The following MAN1A1 variants were observed in gnomAD, a reference collection of about 807,000 sequenced individuals.
MAN1A1 encodes the protein mannosidase alpha class 1A member 1, also known as mannosyl-oligosaccharide 1,2-alpha-mannosidase IA.
MAN1A1 carries 29 observed loss-of-function variants against 70.8 expected under a neutral mutation model. The observed-to-expected ratio is 0.41, with a 90% confidence interval of 0.31 to 0.56. The LOEUF (loss-of-function observed/expected upper bound fraction) is 0.56. Ranked by LOEUF, MAN1A1 falls within the 20% of genes least tolerant of loss-of-function variation. The pLI is 0.29. For synonymous variants in MAN1A1, 349 were observed against 330.1 expected (o/e 1.06, Z -0.62); for missense variants, 747 against 841.3 (o/e 0.89, Z 1.39).
At chr6:119,251,550 G>C (rs1428508029) in intron 5 of MAN1A1, among the ~76,000 whole-genome samples, 3 of 152,158 alleles carry the variant, frequency 2.0e-5, no homozygotes, top group Non-Finnish European at 4.4e-5. Context: ...TGCCTTCTGT[G>C]AACTCCCACA....
chr6:119,340,526 T>C (rs1332443598), intron 2 of MAN1A1, among the ~76,000 whole-genome samples: 1 of 152,196 alleles, frequency 6.6e-6, no homozygotes, highest in East Asian at 1.9e-4. Context: ...TATGGATGGC[T>C]TGAGTTCACG....
chr6:119,276,411 C>T (rs1171235161), intron 5 of MAN1A1, among the ~76,000 whole-genome samples: 1 of 152,178 alleles, frequency 6.6e-6, no homozygotes, highest in African/African-American at 2.4e-5. Context: ...TGGAACATAA[C>T]AGATGCTTAA....
rs769605241 is a variant in MAN1A1 at position 119,348,519 on chromosome 6, C to T, written c.547G>A (p.Glu183Lys). The T allele has an allele frequency of 1.2e-6, 2 of 1,612,244 alleles. No individual in the cohort carries two copies. Among genetic ancestry groups the T allele is most frequent in the South Asian group, 2.2e-5 (2 of 90,788 alleles). The change falls in exon 2 of 13, where the codon GAG (glutamate) becomes AAG (lysine). Residue 183 changes from glutamate (E) to lysine (K), a missense_variant. Physicochemically the swap from Glu to Lys is moderately conservative, Grantham distance 56. This residue lies in a region of MAN1A1 where 328 missense variants were observed against 293.1 expected (regional missense o/e 1.12). Transcript: ENST00000368468. ...GCGGCGTCGGCGGGCTCCCGGCTCT[C>T]CACCCCGATTGGGGGCACGAAGTCC... Reference protein sequence around the residue: ...PVDFVPPIGVESREPADAAIR... With the variant: ...PVDFVPPIGVKSREPADAAIR...
intron 5 of MAN1A1, among the ~76,000 whole-genome samples, chr6:119,261,958 GA>G (rs1395919882): frequency 6.6e-6 from 1 of 152,174 alleles, no homozygotes; most frequent in African/African-American, 2.4e-5. Context: ...GCTCTAAGTG[GA>G]AAAAACATAG....
intron 2 of MAN1A1, among the ~76,000 whole-genome samples, chr6:119,316,037 C>A (rs980668874): frequency 1.3e-5 from 2 of 152,144 alleles, no homozygotes; most frequent in Non-Finnish European, 2.9e-5. Flanking sequence ...AGCAAGTGAC[C>A]CCTTGCAGGC....
At chr6:119,242,118 A>AACAG (rs768877020) in intron 6 of MAN1A1, among the ~76,000 whole-genome samples, 4 of 73,594 alleles carry the variant, frequency 5.4e-5, no homozygotes, top group African/African-American at 1.8e-4. Context: ...GGCTATTTAT[A>AACAG]ACAGACAGAC....
chr6:119,249,739 C>T (rs1179081131), intron 5 of MAN1A1, among the ~76,000 whole-genome samples: 1 of 152,086 alleles, frequency 6.6e-6, no homozygotes, highest in African/African-American at 2.4e-5. Flanking sequence ...CTTGGGCTCC[C>T]AGACTGAAGG....
In MAN1A1 at chr6:119,179,813, G is replaced by A; in HGVS notation, c.*6C>T. 5.0e-6 allele frequency: 8 copies of A among 1,608,816 alleles called. No homozygotes were observed. The highest frequency in any genetic ancestry group is 6.8e-6 in the Non-Finnish European group (8 of 1,175,516). On this transcript the variant is annotated 3_prime_UTR_variant, in exon 13 of 13. Coordinates refer to ENST00000368468, the MANE Select transcript of MAN1A1 (RefSeq NM_005907.4). ...AATGGAGCAGAATAAAATATAAAAT[G>A]TCTTTTTATTCCTCTCTGATTTCAA... is the stretch of plus-strand genomic sequence containing the variant.
chr6:119,302,609 C>T (rs1191714857), intron 3 of MAN1A1, among the ~76,000 whole-genome samples: 3 of 151,900 alleles, frequency 2.0e-5, no homozygotes, highest in Admixed American at 1.3e-4. Context: ...CTCAATCTCT[C>T]GACCTCATAA....
chr6:119,278,093 C>G (rs1047226592), intron 5 of MAN1A1, among the ~76,000 whole-genome samples: 1 of 151,852 alleles, frequency 6.6e-6, no homozygotes, highest in South Asian at 2.1e-4. Flanking sequence ...ATGCAGTGAA[C>G]TATGATCGTG....
intron 6 of MAN1A1, among the ~76,000 whole-genome samples, chr6:119,240,661 T>C (rs959889212): frequency 6.6e-6 from 1 of 152,214 alleles, no homozygotes; most frequent in Admixed American, 6.5e-5. Flanking sequence ...CCTGAGGTTC[T>C]TCAAATTCCT....
At chr6:119,228,506 T>C (rs1774582106) in intron 6 of MAN1A1, among the ~76,000 whole-genome samples, 1 of 152,158 alleles carries the variant, frequency 6.6e-6, no homozygotes. Flanking sequence ...GAATACGTTA[T>C]TAGAACACAA....
At chr6:119,277,119 C>T (rs1776088180) in intron 5 of MAN1A1, among the ~76,000 whole-genome samples, 2 of 152,068 alleles carry the variant, frequency 1.3e-5, no homozygotes, top group South Asian at 4.1e-4. Flanking sequence ...GCCCTCAAGG[C>T]TTATGTTTAT....
intron 5 of MAN1A1, among the ~76,000 whole-genome samples, chr6:119,265,182 C>T (rs1340939808): frequency 6.6e-6 from 1 of 151,892 alleles, no homozygotes; most frequent in Non-Finnish European, 1.5e-5. Context: ...CTCACTGTAG[C>T]CTTGAAAGCC....
chr6:119,229,314 T>A, intron 6 of MAN1A1, among the ~76,000 whole-genome samples: 1 of 152,128 alleles, frequency 6.6e-6, no homozygotes. Context: ...AGTGTTATAA[T>A]AAAGCTCCAT....
intron 5 of MAN1A1, among the ~76,000 whole-genome samples, chr6:119,284,564 T>C (rs549895698): frequency 6.6e-6 from 1 of 152,334 alleles, no homozygotes; most frequent in East Asian, 1.9e-4. Context: ...CTTTTTGTTT[T>C]TTTTCCCCTA....
chr6:119,181,463 T>C (rs373135483), intron 11 of MAN1A1, among the ~76,000 whole-genome samples: 33 of 151,852 alleles, frequency 2.2e-4, no homozygotes, highest in African/African-American at 8.0e-4. Flanking sequence ...TTTTTTTTTT[T>C]TTCAGTCTAG....
intron 6 of MAN1A1, among the ~76,000 whole-genome samples, chr6:119,232,372 C>CAAAAAAA (rs71015028): frequency 6.7e-5 from 6 of 89,244 alleles, no homozygotes; most frequent in Non-Finnish European, 1.1e-4. Context: ...GACTCTGTCT[C>CAAAAAAA]AAAAAAAAAA....
chr6:119,350,460 A>C (rs541908531), upstream of MAN1A1: 6 of 913,488 alleles, frequency 6.6e-6, no homozygotes, highest in African/African-American at 5.4e-5. Context: ...TTCTTCCCCC[A>C]AAAAACAAAA....
Sources: gnomAD v4.1 joint callset for allele counts (sites outside exome capture counted in the v4.1 genomes callset) on GRCh38, gnomAD v4.1.1 for gene constraint, gnomAD v4.1.1 regional missense constraint, MANE v1.5 for transcripts, NCBI Gene and HGNC (gene_info 2026-07-23, HGNC 2026-07-21) for gene names.